RPTOR: variants seen among roughly 807,000 people sequenced by gnomAD.
The protein encoded by RPTOR is regulatory-associated protein of mTOR.
RPTOR carries 21 observed loss-of-function variants against 169.9 expected under a neutral mutation model. That is an observed-to-expected ratio of 0.12 (90% CI 0.09 to 0.18). The LOEUF is 0.18. Ranked by LOEUF, RPTOR falls within the 10% of genes least tolerant of loss-of-function variation. The probability of loss-of-function intolerance (pLI) is 1.00; values close to 1 mark genes in which losing one functional copy is unlikely to be tolerated. For synonymous variants in RPTOR, 732 were observed against 753.2 expected (o/e 0.97, Z 0.46); for missense variants, 1,133 against 1,855.9 (o/e 0.61, Z 7.16).
At chr17:80,749,793 A>G (rs1430240575) in intron 5 of RPTOR, among the ~76,000 whole-genome samples, 1 of 152,102 alleles carries the variant, frequency 6.6e-6, no homozygotes. Context: ...GCTCACTGCC[A>G]CCTTGAACTC....
At position 80,665,503 on chromosome 17, in the gene RPTOR, CATGTCCTTTCCTTTCCTTTCCATGT is replaced by C. The variant is rs1567846619; in HGVS notation, c.348+21694_348+21718del. Among the ~76,000 whole-genome samples, 3 of 23,458 alleles carry C rather than the reference CATGTCCTTTCCTTTCCTTTCCATGT, an allele frequency of 1.3e-4. 1 individual carries two copies. In the African/African-American group the frequency reaches 2.2e-3, roughly 17 times the overall value. The allele number at this position is 23,458 out of a possible 152,430, so 15.4% of individuals were successfully genotyped here. Reference sequence around the variant, plus strand: ...CTTTCCTTTCCTTTCCTTTCCTTTCCATGTCCTTTCCTTTCCTTTCCATGTCCTTTCCTTTCCTTTTCCTTTCCCC... The same window carrying C: ...CTTTCCTTTCCTTTCCTTTCCTTTCCCCTTTCCTTTCCTTTTCCTTTCCCC... On this transcript the variant is annotated intron_variant, in intron 3 of 33. Coordinates refer to ENST00000306801, the MANE Select transcript of RPTOR (RefSeq NM_020761.3).
chr17:80,849,117 C>T (rs2067765040), intron 11 of RPTOR, among the ~76,000 whole-genome samples: 1 of 152,222 alleles, frequency 6.6e-6, no homozygotes, highest in African/African-American at 2.4e-5. Flanking sequence ...GGAGTGGCTT[C>T]TTTCTCGTTA....
Position 80,640,527 on chromosome 17 carries a change from G to A in RPTOR, c.266-3201G>A, listed in dbSNP as rs554303791. Among the ~76,000 whole-genome samples the A allele has an allele frequency of 1.9e-3, 291 of 152,304 alleles. 1 individual carries two copies. The highest frequency in any genetic ancestry group is 6.8e-3 in the African/African-American group (282 of 41,556). ...TTCCCAGTGGATAGGCGGTTATAGT[G>A]CCATGTAGCTGGTCACGGCCTGGTG... On this transcript the variant is annotated intron_variant, in intron 2 of 33. Coordinates refer to ENST00000306801, the MANE Select transcript of RPTOR (RefSeq NM_020761.3).
chr17:80,936,830 G>A lies in RPTOR; in HGVS notation c.2920-3666G>A, dbSNP rs941718058. ...AAATGCCTTGTTGAGGAGTGAACGT[G>A]CATAGCAAGCTCCGAGCTTCATTCA... On this transcript the variant is annotated intron_variant, in intron 24 of 33. Coordinates refer to ENST00000306801, the MANE Select transcript of RPTOR (RefSeq NM_020761.3). The surrounding 1 kb of genome is among the most constrained non-coding windows in gnomAD (Gnocchi z 4.1). Among the ~76,000 whole-genome samples, 4 of 152,296 alleles carry A rather than the reference G, an allele frequency of 2.6e-5. No homozygotes were observed. The highest frequency in any genetic ancestry group is 1.3e-4 in the Admixed American group (2 of 15,308).
chr17:80,697,469 G>T (rs1041438365), intron 3 of RPTOR, among the ~76,000 whole-genome samples: 11 of 152,212 alleles, frequency 7.2e-5, no homozygotes, highest in Admixed American at 7.2e-4. Flanking sequence ...TGTCTGCCTA[G>T]GCATTTGACT....
chr17:80,840,817 A>G (rs111211126), intron 10 of RPTOR, among the ~76,000 whole-genome samples: 3,714 of 72,120 alleles, frequency 0.051, 768 homozygotes, highest in African/African-American at 0.25. Flanking sequence ...CACTCTCACC[A>G]CGCCGCAGCT....
chr17:80,923,772 G>T, intron 23 of RPTOR, 99 bp downstream of exon 23: 1 of 1,310,414 alleles, frequency 7.6e-7, no homozygotes, highest in East Asian at 2.6e-5. Flanking sequence ...ATCACCATGG[G>T]ATGGGGCAGG....
At chr17:80,863,572 G>T (rs2067945020) in intron 13 of RPTOR, among the ~76,000 whole-genome samples, 1 of 152,210 alleles carries the variant, frequency 6.6e-6, no homozygotes, top group South Asian at 2.1e-4. Flanking sequence ...AATATGTGAT[G>T]GGAAGAAATA....
In RPTOR at chr17:80,659,164, A is replaced by G. The variant is rs955060033; in HGVS notation, c.348+15354A>G. Among the ~76,000 whole-genome samples the G allele has an allele frequency of 3.3e-5, 5 of 152,092 alleles. No individual in the cohort carries two copies. On this transcript the variant is annotated intron_variant, in intron 3 of 33. Transcript: ENST00000306801. The surrounding 1 kb of genome is among the most constrained non-coding windows in gnomAD (Gnocchi z 4.3). Reference sequence around the variant, plus strand: ...GGCTGGAGCCCATGAGTGGTCCCCGAGAGATTGCCTCCGAGCGCTGTTAGG... The same window carrying G: ...GGCTGGAGCCCATGAGTGGTCCCCGGGAGATTGCCTCCGAGCGCTGTTAGG...
At chr17:80,893,513 G>A (rs527590799) in intron 19 of RPTOR, among the ~76,000 whole-genome samples, 194 bp from the exon 20 acceptor site, 56 of 149,968 alleles carry the variant, frequency 3.7e-4, no homozygotes, top group Admixed American at 7.3e-4. Context: ...GTGTGTATGA[G>A]GGTGTGTGTA....
At chr17:80,921,817 C>A (rs1207267689) in intron 21 of RPTOR, among the ~76,000 whole-genome samples, 1 of 152,156 alleles carries the variant, frequency 6.6e-6, no homozygotes, top group Non-Finnish European at 1.5e-5. Flanking sequence ...CGGGAGCAGC[C>A]ATCCCCTTCC....
chr17:80,631,895 T>C (rs1192816656), intron 2 of RPTOR, among the ~76,000 whole-genome samples: 1 of 152,166 alleles, frequency 6.6e-6, no homozygotes, highest in Non-Finnish European at 1.5e-5. Flanking sequence ...GCTATGATTG[T>C]GCCAGTGCAT....
chr17:80,900,625 C>G (rs1459986081), intron 20 of RPTOR, among the ~76,000 whole-genome samples: 1 of 152,240 alleles, frequency 6.6e-6, no homozygotes, highest in Non-Finnish European at 1.5e-5. Context: ...TGGCCTTCTT[C>G]TTTCACAGGA....
At chr17:80,945,156 G>A (rs1246851491) in intron 25 of RPTOR, among the ~76,000 whole-genome samples, 1 of 152,044 alleles carries the variant, frequency 6.6e-6, no homozygotes, top group Non-Finnish European at 1.5e-5. Context: ...GTAGCCAGGT[G>A]TGGCGGTGCG....
chr17:80,564,714 A>G (rs1219516764), intron 1 of RPTOR, among the ~76,000 whole-genome samples: 4 of 151,890 alleles, frequency 2.6e-5, no homozygotes, highest in Non-Finnish European at 4.4e-5. Context: ...CTAGTACCCA[A>G]TAGCTTTTTT....
At position 80,957,449 on chromosome 17, in the gene RPTOR, G is replaced by A. The variant is rs1261938095; in HGVS notation, c.3371-175G>A. ...ATTGTCACCCCAGCCTGGACGTGGG[G>A]CACACCAGGGTCCCTAGCGGGAGCT... On this transcript the variant is annotated intron_variant, in intron 28 of 33. Coordinates refer to ENST00000306801, the MANE Select transcript of RPTOR (RefSeq NM_020761.3). The surrounding 1 kb of genome is among the most constrained non-coding windows in gnomAD (Gnocchi z 4.6). Among the ~76,000 whole-genome samples the A allele has an allele frequency of 2.0e-5, 3 of 152,372 alleles. No homozygotes were observed. The highest frequency in any genetic ancestry group is 4.4e-5 in the Non-Finnish European group (3 of 68,038).
chr17:80,887,959 C>T (rs186180482), intron 17 of RPTOR, among the ~76,000 whole-genome samples: 39 of 152,254 alleles, frequency 2.6e-4, no homozygotes, highest in African/African-American at 9.1e-4. Flanking sequence ...GCCAGGGGTG[C>T]GGGGCTAGAA....
At chr17:80,821,911 G>A (rs971791951) in intron 7 of RPTOR, among the ~76,000 whole-genome samples, 1 of 152,210 alleles carries the variant, frequency 6.6e-6, no homozygotes, top group African/African-American at 2.4e-5. Flanking sequence ...CGGTCCATGG[G>A]AACCATGTGT....
At chr17:80,906,513 A>G (rs1354937181) in intron 20 of RPTOR, among the ~76,000 whole-genome samples, 1 of 152,200 alleles carries the variant, frequency 6.6e-6, no homozygotes, top group Non-Finnish European at 1.5e-5. Context: ...CTAGGCTCCC[A>G]AGACGTTCCC....
Sources: allele counts gnomAD v4.1 joint callset (sites outside exome capture counted in the v4.1 genomes callset), GRCh38; gene constraint gnomAD v4.1.1; non-coding constraint Gnocchi (gnomAD v3.1); transcripts MANE v1.5; gene names NCBI Gene and HGNC (gene_info 2026-07-23, HGNC 2026-07-21).